PSME4: variants seen among roughly 807,000 people sequenced by gnomAD.
PSME4 encodes proteasome activator complex subunit 4.
PSME4 carries 89 observed loss-of-function variants against 253.9 expected under a neutral mutation model. The observed-to-expected ratio is 0.35, with a 90% CI of 0.30 to 0.42. The LOEUF (loss-of-function observed/expected upper bound fraction) is 0.42. Ranked by LOEUF, PSME4 falls within the 10% of genes least tolerant of loss-of-function variation. The probability of loss-of-function intolerance (pLI) is 1.00; values close to 1 mark genes in which losing one functional copy is unlikely to be tolerated. For missense variants in PSME4, 2,014 were observed against 2,195.2 expected, an observed-to-expected ratio of 0.92 and a Z score of 1.65; for synonymous variants, 851 against 759.2, an observed-to-expected ratio of 1.12 and a Z score of -1.99.
At chr2:53,872,392 T>C (rs1678917869) in intron 43 of PSME4, among the ~76,000 whole-genome samples, 1 of 152,226 alleles carries the variant, frequency 6.6e-6, no homozygotes, top group Non-Finnish European at 1.5e-5. Flanking sequence ...TACTGCTTTT[T>C]GGTTTTACAT....
intron 1 of PSME4, among the ~76,000 whole-genome samples, chr2:53,957,524 C>G (rs1290720829): frequency 6.6e-6 from 1 of 152,116 alleles, no homozygotes; most frequent in African/African-American, 2.4e-5. Context: ...CTAAGACAAT[C>G]TAATGCCACC....
intron 28 of PSME4, 129 bp downstream of exon 28, chr2:53,901,221 C>T (rs565671503): frequency 8.1e-6 from 7 of 865,446 alleles, no homozygotes; most frequent in Non-Finnish European, 1.2e-5. Context: ...GTAACAAACG[C>T]TTTTTTAAAA....
At chr2:53,898,059 C>T in intron 30 of PSME4, 60 bp from the exon 31 acceptor site, 1 of 1,506,772 alleles carries the variant, frequency 6.6e-7, no homozygotes, top group Non-Finnish European at 9.0e-7. Flanking sequence ...AAAAAAAAAA[C>T]TGTATGTGAA....
In PSME4 at chr2:53,892,970, C is replaced by G; in HGVS notation, c.4039-10G>C. The G allele has an allele frequency of 6.2e-7, 1 of 1,606,780 alleles. No individual in the cohort carries two copies. The highest frequency in any genetic ancestry group is 8.5e-7 in the Non-Finnish European group (1 of 1,176,530). ...AATTCCTGAATATACCCTATAAAAACAAAGACTGTTCTTCAGTACTCAAAT... is the reference window on the plus strand; with the variant it reads ...AATTCCTGAATATACCCTATAAAAAGAAAGACTGTTCTTCAGTACTCAAAT... On this transcript the variant is annotated splice_polypyrimidine_tract_variant and intron_variant, in intron 35 of 46. Transcript: ENST00000404125.
intron 19 of PSME4, 38 bp from the exon 20 acceptor site, chr2:53,919,284 C>A (rs368539156): frequency 1.2e-4 from 188 of 1,543,722 alleles, no homozygotes; most frequent in Non-Finnish European, 1.5e-4. Flanking sequence ...ATTTCCAAAT[C>A]CCTATTTAAT....
intron 35 of PSME4, 140 bp from the exon 36 acceptor site, chr2:53,893,100 G>A (rs919571448): frequency 3.2e-6 from 2 of 616,222 alleles, no homozygotes; most frequent in Non-Finnish European, 2.6e-6. Flanking sequence ...AACAATTGCG[G>A]TAAGTTAAAA....
At chr2:53,933,482 C>A (rs1252733417) in intron 8 of PSME4, among the ~76,000 whole-genome samples, 2 of 151,032 alleles carry the variant, frequency 1.3e-5, no homozygotes, top group Admixed American at 1.3e-4. Context: ...TAGGCTCAAG[C>A]GATCCTCCCA....
intron 1 of PSME4, among the ~76,000 whole-genome samples, chr2:53,965,893 C>T (rs567639766): frequency 2.0e-5 from 3 of 151,612 alleles, no homozygotes; most frequent in Non-Finnish European, 2.9e-5. Flanking sequence ...AGGCTGGTCT[C>T]GAACTCCTGA....
chr2:53,940,133 C>G, intron 3 of PSME4, 133 bp from the exon 4 acceptor site: 2 of 646,690 alleles, frequency 3.1e-6, no homozygotes, highest in Non-Finnish European at 4.9e-6. Context: ...TGAGCCTTCC[C>G]TTTCATACAA....
chr2:53,909,973 A>G, intron 21 of PSME4, 102 bp downstream of exon 21: 1 of 1,042,256 alleles, frequency 9.6e-7, no homozygotes, highest in Non-Finnish European at 1.5e-6. Context: ...CTGTCTCAAA[A>G]CAAAACAAAA....
intron 1 of PSME4, among the ~76,000 whole-genome samples, chr2:53,954,159 C>T (rs1670125879): frequency 6.6e-6 from 1 of 152,104 alleles, no homozygotes; most frequent in Non-Finnish European, 1.5e-5. Flanking sequence ...GAAACCCCAT[C>T]TCTACTAAAA....
chr2:53,927,517 A>C (rs776670243), intron 11 of PSME4, 34 bp from the exon 12 acceptor site: 5 of 1,379,726 alleles, frequency 3.6e-6, no homozygotes, highest in African/African-American at 2.9e-5. Flanking sequence ...TCAACATTAC[A>C]TAATTCTAAT....
At chr2:53,962,949 G>A (rs1670554294) in intron 1 of PSME4, among the ~76,000 whole-genome samples, 2 of 151,524 alleles carry the variant, frequency 1.3e-5, no homozygotes, top group Admixed American at 6.6e-5. Context: ...AGTGGAGGCT[G>A]CAGTGAGCCG....
chr2:53,896,124 TTC>T (rs564924273), intron 32 of PSME4, among the ~76,000 whole-genome samples: 6 of 152,048 alleles, frequency 3.9e-5, no homozygotes, highest in African/African-American at 9.7e-5. Context: ...TACTTTGATA[TTC>T]TCTCTCTCTC....
intron 41 of PSME4, among the ~76,000 whole-genome samples, chr2:53,879,327 A>T (rs1220241575): frequency 6.6e-6 from 1 of 152,214 alleles, no homozygotes; most frequent in Non-Finnish European, 1.5e-5. Context: ...ACATCCTTGT[A>T]GTTTAGATAT....
chr2:53,932,445 T>G (rs1238353777), intron 9 of PSME4, among the ~76,000 whole-genome samples: 1 of 152,198 alleles, frequency 6.6e-6, no homozygotes, highest in African/African-American at 2.4e-5. Context: ...TGTTACCATT[T>G]TTTTGCAAAA....
chr2:53,964,942 T>C (rs887182580), intron 1 of PSME4, among the ~76,000 whole-genome samples: 1 of 152,194 alleles, frequency 6.6e-6, no homozygotes, highest in African/African-American at 2.4e-5. Context: ...CAGTTTTAAT[T>C]AGCAATTAAA....
At chr2:53,868,395 G>A (rs1382260176) in intron 44 of PSME4, among the ~76,000 whole-genome samples, 2 of 149,998 alleles carry the variant, frequency 1.3e-5, no homozygotes, top group African/African-American at 4.9e-5. Flanking sequence ...GAGGTTGCAG[G>A]GGGCTGAGAT....
At chr2:53,886,451 G>A (rs776037470) in intron 40 of PSME4, among the ~76,000 whole-genome samples, 1 of 152,162 alleles carries the variant, frequency 6.6e-6, no homozygotes, top group South Asian at 2.1e-4. Flanking sequence ...GGCTAATAAA[G>A]ATTCTTGAAA....
Sources: allele counts gnomAD v4.1 joint callset (sites outside exome capture counted in the v4.1 genomes callset), GRCh38; gene constraint gnomAD v4.1.1; transcripts MANE v1.5; gene names NCBI Gene and HGNC (gene_info 2026-07-23, HGNC 2026-07-21).